The following IGSF21 variants were observed in gnomAD, a reference collection of about 807,000 sequenced individuals.
IGSF21 encodes immunoglobulin superfamily member 21.
A neutral mutation model predicts 46.8 loss-of-function variants in IGSF21; 28 were observed. The observed-to-expected ratio is 0.60, with a 90% CI of 0.44 to 0.82. IGSF21 has a LOEUF of 0.82. Ranked by LOEUF, IGSF21 falls within the 40% of genes least tolerant of loss-of-function variation. The pLI is 0.00. For synonymous variants in IGSF21, 284 were observed against 273.6 expected, an observed-to-expected ratio of 1.04 and a Z score of -0.38; for missense variants, 624 against 665.5, an observed-to-expected ratio of 0.94 and a Z score of 0.69.
chr1:18,284,888 T>A (rs551681327), intron 2 of IGSF21, among the ~76,000 whole-genome samples: 7 of 152,318 alleles, frequency 4.6e-5, no homozygotes, highest in Non-Finnish European at 8.8e-5. Context: ...ATTAAAACCC[T>A]CCTTGCAAAC....
At chr1:18,218,200 G>A (rs1346882967) in intron 1 of IGSF21, among the ~76,000 whole-genome samples, 3 of 152,216 alleles carry the variant, frequency 2.0e-5, no homozygotes, top group Non-Finnish European at 4.4e-5. Flanking sequence ...TGAAGGGGAA[G>A]CAGGCACATC....
At chr1:18,135,706 G>A (rs148871311) in intron 1 of IGSF21, among the ~76,000 whole-genome samples, 10,324 of 152,108 alleles carry the variant, frequency 0.068, 489 homozygotes, top group African/African-American at 0.13. Flanking sequence ...ATTGTGAATA[G>A]TGCCGCAATA....
intron 1 of IGSF21, among the ~76,000 whole-genome samples, chr1:18,180,240 T>C (rs561889510): frequency 6.6e-6 from 1 of 152,324 alleles, no homozygotes; most frequent in South Asian, 2.1e-4. Flanking sequence ...GTAGGGACTT[T>C]GTTTCATTCT....
At chr1:18,241,538 G>A (rs2084727995) in intron 2 of IGSF21, among the ~76,000 whole-genome samples, 1 of 152,174 alleles carries the variant, frequency 6.6e-6, no homozygotes, top group African/African-American at 2.4e-5. Context: ...AGCTCTTTCT[G>A]TTAGGTCCCA....
intron 2 of IGSF21, among the ~76,000 whole-genome samples, chr1:18,232,066 G>A (rs80009044): frequency 0.011 from 1,677 of 151,928 alleles, 30 homozygotes; most frequent in African/African-American, 0.038. Flanking sequence ...GCTGAGTATC[G>A]TAGTTGTCTA....
chr1:18,210,895 T>A (rs2084385166), intron 1 of IGSF21, among the ~76,000 whole-genome samples: 1 of 151,990 alleles, frequency 6.6e-6, no homozygotes. Flanking sequence ...GGAGACAGAG[T>A]CTCACTCTGT....
chr1:18,316,515 T>C (rs76695341), intron 3 of IGSF21, among the ~76,000 whole-genome samples: 1,616 of 152,298 alleles, frequency 0.011, 35 homozygotes, highest in African/African-American at 0.037. Context: ...ATTCTCCTAC[T>C]GTCTTGTGTG....
intron 2 of IGSF21, among the ~76,000 whole-genome samples, chr1:18,246,412 C>T (rs2084784257): frequency 6.6e-6 from 1 of 152,014 alleles, no homozygotes; most frequent in South Asian, 2.1e-4. Context: ...GCCCTATGAG[C>T]GTGTATCTTG....
intron 2 of IGSF21, among the ~76,000 whole-genome samples, chr1:18,278,196 A>G (rs1238705886): frequency 1.3e-5 from 2 of 148,252 alleles, no homozygotes; most frequent in Non-Finnish European, 3.0e-5. Flanking sequence ...TAAAGCAAAC[A>G]TGGCTGCATT....
intron 3 of IGSF21, among the ~76,000 whole-genome samples, chr1:18,300,359 G>T (rs990801733): frequency 6.6e-6 from 1 of 152,218 alleles, no homozygotes; most frequent in Non-Finnish European, 1.5e-5. Context: ...TGGGGTCAAA[G>T]AATTCAATGG....
At chr1:18,225,679 T>G (rs1227355738) in intron 1 of IGSF21, among the ~76,000 whole-genome samples, 1 of 152,078 alleles carries the variant, frequency 6.6e-6, no homozygotes, top group Non-Finnish European at 1.5e-5. Context: ...GCAGCCTCAC[T>G]GGAAGATTGA....
chr1:18,375,904 G>A (rs1211319747), intron 6 of IGSF21: 3 of 193,922 alleles, frequency 1.5e-5, no homozygotes, highest in African/African-American at 2.3e-5. Context: ...GGTGCAGGCT[G>A]CTCCCCCTCA....
intron 1 of IGSF21, among the ~76,000 whole-genome samples, chr1:18,220,624 A>G (rs1206488582): frequency 6.6e-6 from 1 of 152,088 alleles, no homozygotes; most frequent in African/African-American, 2.4e-5. Context: ...ATGTCATTAC[A>G]AGTAATTTTC....
chr1:18,134,194 TG>T (rs1008332352), intron 1 of IGSF21, among the ~76,000 whole-genome samples: 5 of 152,148 alleles, frequency 3.3e-5, no homozygotes, highest in African/African-American at 9.7e-5. Context: ...CCATCTTCTG[TG>T]GCCCCCCTTA....
intron 1 of IGSF21, among the ~76,000 whole-genome samples, chr1:18,186,116 A>C (rs1181128243): frequency 6.6e-6 from 1 of 152,168 alleles, no homozygotes; most frequent in Admixed American, 6.5e-5. Context: ...GCTCCCCAGA[A>C]GCCTGTATTC....
chr1:18,182,776 G>C (rs148470445), intron 1 of IGSF21, among the ~76,000 whole-genome samples: 1 of 152,178 alleles, frequency 6.6e-6, no homozygotes, highest in African/African-American at 2.4e-5. Context: ...GGGGTCATCC[G>C]TATAGGGGTG....
chr1:18,368,713 C>G (rs1244985860), intron 6 of IGSF21, among the ~76,000 whole-genome samples: 1 of 152,114 alleles, frequency 6.6e-6, no homozygotes, highest in Non-Finnish European at 1.5e-5. Context: ...GCAGCCTCCA[C>G]CCTTTACCTG....
intron 2 of IGSF21, among the ~76,000 whole-genome samples, chr1:18,241,893 G>T (rs1277549557): frequency 6.6e-6 from 1 of 152,210 alleles, no homozygotes; most frequent in African/African-American, 2.4e-5. Context: ...GGCGGAAGGG[G>T]TTTGTCTGAG....
intron 2 of IGSF21, among the ~76,000 whole-genome samples, chr1:18,247,254 G>A (rs11585168): frequency 0.064 from 9,740 of 152,088 alleles, 378 homozygotes; most frequent in East Asian, 0.15. Flanking sequence ...ACCCCAGGAT[G>A]GGGGCCAGCT....
Sources: gnomAD v4.1 joint callset for allele counts (sites outside exome capture counted in the v4.1 genomes callset) on GRCh38, gnomAD v4.1.1 for gene constraint, MANE v1.5 for transcripts, NCBI Gene and HGNC (gene_info 2026-07-23, HGNC 2026-07-21) for gene names.